The following PADI3 variants were observed in gnomAD, a reference collection of about 807,000 sequenced individuals.
PADI3 encodes protein-arginine deiminase type-3.
In PADI3, 53 loss-of-function variants were observed where a neutral mutation model predicts 71.5. The ratio of observed to expected loss-of-function variants is 0.74; its 90% CI spans 0.59 to 0.93. The LOEUF is 0.93. Among genes scored for constraint, PADI3 ranks in the 40% least tolerant of loss-of-function variants. The pLI is 0.00. For missense variants in PADI3, 821 were observed against 868.0 expected, an observed-to-expected ratio of 0.95 and a Z score of 0.68; for synonymous variants, 361 against 347.5, an observed-to-expected ratio of 1.04 and a Z score of -0.43.
At chr1:17,251,103 GGGT>G (rs1253136279) in intron 1 of PADI3, among the ~76,000 whole-genome samples, 2 of 152,184 alleles carry the variant, frequency 1.3e-5, no homozygotes, top group Non-Finnish European at 2.9e-5. Flanking sequence ...TATTTCTTTT[GGGT>G]CTAGTGTGTG....
At chr1:17,266,595 T>C (rs1569895420) in intron 4 of PADI3, 124 bp from the exon 5 acceptor site, 1 of 745,458 alleles carries the variant, frequency 1.3e-6, no homozygotes, top group South Asian at 1.6e-5. Flanking sequence ...GAGAAGGAGG[T>C]GCTTCGAGAA....
In PADI3 at chr1:17,274,106, A is replaced by G. The variant is rs75533370; in HGVS notation, c.1156-529A>G. 3.3e-5 allele frequency among the ~76,000 whole-genome samples: 5 copies of G among 152,220 alleles called. No homozygotes were observed. The East Asian group carries it at 9.7e-4, about 29-fold the overall frequency. Reference sequence around the variant, plus strand: ...CCGTAAAGAACAAGAGACCCCTCCAACCCCCTCACTGATCACACAGATGCT... The same window carrying G: ...CCGTAAAGAACAAGAGACCCCTCCAGCCCCCTCACTGATCACACAGATGCT... On this transcript the variant is annotated intron_variant, in intron 10 of 15. Coordinates refer to ENST00000375460, the MANE Select transcript of PADI3 (RefSeq NM_016233.2).
rs765128953 is a variant in PADI3 at position 17,283,208 on chromosome 1, G to A, written c.*129G>A. 1.3e-5 allele frequency: 9 copies of A among 689,296 alleles called. No individual in the cohort carries two copies. Among genetic ancestry groups the A allele is most frequent in the East Asian group, 2.7e-5 (1 of 36,732 alleles). The allele number at this position is 689,296 out of a possible 1,614,324, so 42.7% of individuals were successfully genotyped here. On this transcript the variant is annotated 3_prime_UTR_variant, in exon 16 of 16. Coordinates refer to ENST00000375460, the MANE Select transcript of PADI3 (RefSeq NM_016233.2). ...TCCAGATGGAACACTGAGGGTGACC[G>A]TCCCTCTCAGAAGCCTTTTCCCTGG...
chr1:17,277,470 C>T (rs1182780127), intron 13 of PADI3, among the ~76,000 whole-genome samples: 1 of 152,256 alleles, frequency 6.6e-6, no homozygotes, highest in African/African-American at 2.4e-5. Context: ...GCTGGGATTA[C>T]AGGCGTGAGC....
chr1:17,263,604 A>T (rs2073128749), intron 3 of PADI3, among the ~76,000 whole-genome samples: 1 of 152,244 alleles, frequency 6.6e-6, no homozygotes, highest in Non-Finnish European at 1.5e-5. Flanking sequence ...AACAAGGCAA[A>T]ACAAAAGTGC....
intron 1 of PADI3, among the ~76,000 whole-genome samples, chr1:17,254,744 T>C (rs951503038): frequency 7.2e-6 from 1 of 138,776 alleles, no homozygotes; most frequent in Non-Finnish European, 1.5e-5. Flanking sequence ...TGAGATGGAG[T>C]TTTGCTCTTG....
At chr1:17,280,600 G>T in intron 14 of PADI3, 71 bp from the exon 15 acceptor site, 1 of 1,604,090 alleles carries the variant, frequency 6.2e-7, no homozygotes, top group South Asian at 1.1e-5. Context: ...TGAGGGGAGC[G>T]ACAGGATGCC....
chr1:17,269,253 C>T (rs780871165), intron 6 of PADI3, among the ~76,000 whole-genome samples: 3 of 152,168 alleles, frequency 2.0e-5, no homozygotes, highest in East Asian at 1.9e-4. Context: ...TGTTCTCCAG[C>T]GTGTGTCCAT....
intron 5 of PADI3, among the ~76,000 whole-genome samples, chr1:17,267,095 A>G (rs1026940826): frequency 6.6e-6 from 1 of 152,212 alleles, no homozygotes; most frequent in East Asian, 1.9e-4. Context: ...CCTCCAGGGG[A>G]GCAGAGGATG....
In PADI3 at chr1:17,267,892, T is replaced by A; in HGVS notation, c.582T>A (p.Phe194Leu). Residue 194 changes from phenylalanine to leucine, a missense_variant, in exon 6 of 16, where the codon TTT (phenylalanine) becomes TTA (leucine). By Grantham distance (22) the Phe-to-Leu change is conservative. Coordinates refer to ENST00000375460, the MANE Select transcript of PADI3 (RefSeq NM_016233.2). ...GGACGCAGGGCCCTGCAGCCCTCTT[T>A]GATGACCACAAACTTGTCCTCCATA... is the stretch of plus-strand genomic sequence containing the variant. ...VLRTQGPAALFDDHKLVLHTS... is the reference protein window; with the variant it reads ...VLRTQGPAALLDDHKLVLHTS... 1 of 1,614,214 alleles carries A rather than the reference T, an allele frequency of 6.2e-7. No individual in the cohort carries two copies. The highest frequency in any genetic ancestry group is 8.5e-7 in the Non-Finnish European group (1 of 1,180,040).
intron 14 of PADI3, 41 bp from the exon 15 acceptor site, chr1:17,280,630 C>T: frequency 6.2e-7 from 1 of 1,613,288 alleles, no homozygotes; most frequent in Non-Finnish European, 8.5e-7. Context: ...CCAAAACACA[C>T]TGGCAAGGTG....
rs373010362 is a variant in PADI3 at position 17,249,142 on chromosome 1, C to T, written c.5C>T (p.Ser2Leu). M[S>L]LQRIVRVSLE... ...ACAGCTAAGTCCAACACCAGCATGT[C>T]GCTGCAGAGAATCGTGCGTGTGTCC... is the stretch of plus-strand genomic sequence containing the variant. The change falls in exon 1 of 16, where the codon TCG (serine) becomes TTG (leucine). Residue 2 changes from serine (S) to leucine (L), a missense_variant. By Grantham distance (145) the Ser-to-Leu change is moderately radical. Coordinates refer to ENST00000375460, the MANE Select transcript of PADI3 (RefSeq NM_016233.2). The T allele has an allele frequency of 1.1e-5, 17 of 1,613,900 alleles. No individual in the cohort carries two copies. The African/African-American group carries it at 1.3e-4, about 13-fold the overall frequency.
At chr1:17,271,283 C>T (rs1464489101) in intron 9 of PADI3, 105 bp downstream of exon 9, 5 of 939,822 alleles carry the variant, frequency 5.3e-6, no homozygotes, top group Non-Finnish European at 6.4e-6. Context: ...GGGTGCTCCC[C>T]AGGGAACTTG....
chr1:17,251,655 G>T (rs564465540), intron 1 of PADI3, among the ~76,000 whole-genome samples: 1 of 152,246 alleles, frequency 6.6e-6, no homozygotes, highest in Non-Finnish European at 1.5e-5. Flanking sequence ...GTGAGTGGCA[G>T]AGCCAGGATG....
intron 13 of PADI3, among the ~76,000 whole-genome samples, chr1:17,279,647 C>A (rs1443316004): frequency 6.6e-6 from 1 of 152,192 alleles, no homozygotes; most frequent in African/African-American, 2.4e-5. Flanking sequence ...CCTCAGTTTT[C>A]TCATCTGTAA....
In PADI3 at chr1:17,271,097, G is replaced by A. The variant is rs750156839; in HGVS notation, c.966G>A (p.Ala322=). 10 of 1,613,934 alleles carry A rather than the reference G, an allele frequency of 6.2e-6. No individual in the cohort carries two copies. The highest frequency in any genetic ancestry group is 5.3e-5 in the African/African-American group (4 of 74,936). Residue 322 remains alanine (A), a synonymous_variant, in exon 9 of 16, where the codon GCG becomes GCA. Coordinates refer to ENST00000375460, the MANE Select transcript of PADI3 (RefSeq NM_016233.2). The part of the protein sequence containing the change: ...RVRNNTCFVD[A]VAELARKAGC... ...GGAACAACACGTGTTTTGTGGATGC[G>A]GTGGCAGAGCTGGCCAGGAAGGCCG...
chr1:17,259,189 C>G (rs539640455), intron 1 of PADI3, among the ~76,000 whole-genome samples: 2 of 152,352 alleles, frequency 1.3e-5, no homozygotes, highest in Admixed American at 1.3e-4. Flanking sequence ...CCTGCCTCAG[C>G]CTCCCCAGTA....
intron 1 of PADI3, among the ~76,000 whole-genome samples, chr1:17,255,612 C>T (rs951277997): frequency 6.6e-6 from 1 of 152,194 alleles, no homozygotes; most frequent in African/African-American, 2.4e-5. Context: ...TGCAGGTTCT[C>T]CTCCCAGCAG....
chr1:17,280,370 A>G lies in PADI3; in HGVS notation c.1576A>G (p.Ile526Val). 2 of 1,613,978 alleles carry G rather than the reference A, an allele frequency of 1.2e-6. No homozygotes were observed. Among genetic ancestry groups the G allele is most frequent in the Non-Finnish European group, 8.5e-7 (1 of 1,179,814 alleles). ...CACAGATGATGAGCAGGTCAAGACCATCTCCATCAACCAGGTGCTCTCCAA... is the reference window on the plus strand; with the variant it reads ...CACAGATGATGAGCAGGTCAAGACCGTCTCCATCAACCAGGTGCTCTCCAA... ...GVVDDEQVKTISINQVLSNKD... is the reference protein window; with the variant it reads ...GVVDDEQVKTVSINQVLSNKD... The change falls in exon 14 of 16, where the codon ATC becomes GTC. Residue 526 changes from isoleucine (I) to valine (V), a missense_variant. Transcript: ENST00000375460.
Sources: gnomAD v4.1 joint callset for allele counts (sites outside exome capture counted in the v4.1 genomes callset) on GRCh38, gnomAD v4.1.1 for gene constraint, MANE v1.5 for transcripts, NCBI Gene and HGNC (gene_info 2026-07-23, HGNC 2026-07-21) for gene names.